HIP1: variants seen among roughly 807,000 people sequenced by gnomAD.
HIP1 encodes the protein huntingtin-interacting protein 1.
HIP1 carries 65 observed loss-of-function variants against 147.6 expected under a neutral mutation model. The ratio of observed to expected loss-of-function variants is 0.44; its 90% CI spans 0.36 to 0.54. The LOEUF is 0.54. Ranked by LOEUF, HIP1 falls within the 20% of genes least tolerant of loss-of-function variation. The pLI is 0.00. For missense variants in HIP1, 1,061 were observed against 1,299.6 expected, an observed-to-expected ratio of 0.82 and a Z score of 2.82; for synonymous variants, 479 against 504.0, an observed-to-expected ratio of 0.95 and a Z score of 0.67.
At chr7:75,735,671 T>C (rs917415767) in intron 1 of HIP1, among the ~76,000 whole-genome samples, 17 of 151,562 alleles carry the variant, frequency 1.1e-4, no homozygotes, top group Non-Finnish European at 1.6e-4. Flanking sequence ...TGTTCTCTTT[T>C]CTTTTCTTTT....
At chr7:75,693,571 A>C (rs1554518423) in intron 1 of HIP1, among the ~76,000 whole-genome samples, 1 of 152,084 alleles carries the variant, frequency 6.6e-6, no homozygotes, top group East Asian at 1.9e-4. Flanking sequence ...TGGGTATGAA[A>C]TAACAGACTA....
chr7:75,648,768 T>TG (rs1798884932), intron 1 of HIP1, among the ~76,000 whole-genome samples: 1 of 151,974 alleles, frequency 6.6e-6, no homozygotes, highest in South Asian at 2.1e-4. Flanking sequence ...AGAGACACCC[T>TG]GCCCAGAGAG....
At chr7:75,664,170 A>G (rs1308242643) in intron 1 of HIP1, among the ~76,000 whole-genome samples, 8 of 66,706 alleles carry the variant, frequency 1.2e-4, no homozygotes, top group Non-Finnish European at 9.4e-5. Context: ...ATATTTACAT[A>G]CATATATGTA....
Position 75,664,093 on chromosome 7 carries a change from T to C in HIP1, c.121-64846A>G, listed in dbSNP as rs1453761814. ...GTATATACACACACATATACACACATATGTGCATACATACATGTATGCATA... is the reference window on the plus strand; with the variant it reads ...GTATATACACACACATATACACACACATGTGCATACATACATGTATGCATA... On this transcript the variant is annotated intron_variant, in intron 1 of 30. Coordinates refer to ENST00000336926, the MANE Select transcript of HIP1 (RefSeq NM_005338.7). Among the ~76,000 whole-genome samples the C allele has an allele frequency of 6.7e-5, 7 of 103,870 alleles. 2 individuals are homozygous for C. The highest frequency in any genetic ancestry group is 6.0e-4 in the South Asian group (2 of 3,356). The allele number at this position is 103,870 out of a possible 152,430, so 68.1% of individuals were successfully genotyped here. A position where few individuals can be genotyped will look rare whatever the true frequency, so the allele number is the denominator to read the frequency against.
At chr7:75,700,595 A>T (rs1169544480) in intron 1 of HIP1, among the ~76,000 whole-genome samples, 2 of 152,126 alleles carry the variant, frequency 1.3e-5, no homozygotes, top group East Asian at 3.9e-4. Flanking sequence ...CATGGAGCTT[A>T]CCATCTACAG....
At chr7:75,738,627 G>C (rs977050588) in intron 1 of HIP1, among the ~76,000 whole-genome samples, 174 bp downstream of exon 1, 1 of 152,082 alleles carries the variant, frequency 6.6e-6, no homozygotes, top group African/African-American at 2.4e-5. Flanking sequence ...GGGGTACCCT[G>C]GGGTCCCCGA....
chr7:75,609,963 C>T (rs1159925727), intron 1 of HIP1, among the ~76,000 whole-genome samples: 4 of 145,600 alleles, frequency 2.7e-5, no homozygotes, highest in Non-Finnish European at 5.9e-5. Context: ...AGTGCAGTGG[C>T]ACAATTTTGA....
chr7:75,737,029 C>T (rs1353303243), intron 1 of HIP1, among the ~76,000 whole-genome samples: 6 of 151,698 alleles, frequency 4.0e-5, no homozygotes, highest in Non-Finnish European at 7.4e-5. Context: ...TCAAGTGACC[C>T]TCATGCCTCA....
chr7:75,695,843 G>C (rs933787667), intron 1 of HIP1, among the ~76,000 whole-genome samples: 6 of 151,890 alleles, frequency 4.0e-5, no homozygotes, highest in Admixed American at 3.9e-4. Context: ...CCAAAGTGCT[G>C]GGATTACAGG....
At chr7:75,634,998 C>CCACACA (rs1798375831) in intron 1 of HIP1, among the ~76,000 whole-genome samples, 1 of 147,130 alleles carries the variant, frequency 6.8e-6, no homozygotes, top group Non-Finnish European at 1.5e-5. Context: ...CTGTAAAGCA[C>CCACACA]CACACAAATA....
intron 1 of HIP1, among the ~76,000 whole-genome samples, chr7:75,702,102 G>T (rs1262610793): frequency 2.7e-5 from 4 of 146,024 alleles, no homozygotes; most frequent in East Asian, 2.0e-4. Context: ...GCTAATTTTT[G>T]TATTTTTTTC....
intron 14 of HIP1, among the ~76,000 whole-genome samples, chr7:75,559,396 A>G (rs1584796737): frequency 6.6e-6 from 1 of 152,142 alleles, no homozygotes; most frequent in Non-Finnish European, 1.5e-5. Context: ...GATTACAGGC[A>G]TGTGCCACTG....
chr7:75,654,015 A>T (rs1172480222), intron 1 of HIP1, among the ~76,000 whole-genome samples: 1 of 152,316 alleles, frequency 6.6e-6, no homozygotes, highest in East Asian at 1.9e-4. Flanking sequence ...AGGCACTTAC[A>T]GCCAGGTCAC....
chr7:75,666,578 C>T (rs782437755), intron 1 of HIP1, among the ~76,000 whole-genome samples: 1 of 152,178 alleles, frequency 6.6e-6, no homozygotes. Context: ...TTCTCCACTG[C>T]GTGGTCTTCT....
chr7:75,693,408 C>T (rs1475789654), intron 1 of HIP1, among the ~76,000 whole-genome samples: 2 of 152,096 alleles, frequency 1.3e-5, no homozygotes, highest in African/African-American at 2.4e-5. Context: ...CCCTTGGTAC[C>T]GCACTCACTT....
chr7:75,559,939 G>A (rs1270565055), intron 13 of HIP1, 24 bp from the exon 14 acceptor site: 1 of 1,567,440 alleles, frequency 6.4e-7, no homozygotes, highest in African/African-American at 1.3e-5. Context: ...CCGGTCATGA[G>A]GCCAACCGCC....
chr7:75,614,727 T>C (rs1797579136), intron 1 of HIP1, among the ~76,000 whole-genome samples: 1 of 148,360 alleles, frequency 6.7e-6, no homozygotes, highest in South Asian at 2.1e-4. Context: ...TCATGTTATA[T>C]GTATTTTGTC....
At chr7:75,661,456 C>A (rs1799312461) in intron 1 of HIP1, among the ~76,000 whole-genome samples, 1 of 151,170 alleles carries the variant, frequency 6.6e-6, no homozygotes, top group Admixed American at 6.6e-5. Flanking sequence ...ACCTGTAATC[C>A]CAGCTACTGA....
chr7:75,694,707 AC>A (rs1800580366), intron 1 of HIP1, among the ~76,000 whole-genome samples: 1 of 148,466 alleles, frequency 6.7e-6, no homozygotes, highest in South Asian at 2.1e-4. Context: ...ATGGGGTCTC[AC>A]TATGTTGCCC....
Sources: gnomAD v4.1 joint callset for allele counts (sites outside exome capture counted in the v4.1 genomes callset) on GRCh38, gnomAD v4.1.1 for gene constraint, MANE v1.5 for transcripts, NCBI Gene and HGNC (gene_info 2026-07-23, HGNC 2026-07-21) for gene names.